Variants in CENPP observed in about 807,000 individuals in gnomAD.
CENPP encodes the protein centromere protein P.
In CENPP, 24 loss-of-function variants were observed where a neutral mutation model predicts 35.6. That is an observed-to-expected ratio of 0.67 (90% CI 0.49 to 0.95). CENPP has a LOEUF of 0.95. CENPP is among the 40% of genes least tolerant of loss of function. The probability of loss-of-function intolerance (pLI) is 0.00; values close to 1 mark genes in which losing one functional copy is unlikely to be tolerated. For missense variants in CENPP, 332 were observed against 345.3 expected (o/e 0.96, Z 0.31); for synonymous variants, 120 against 125.5 (o/e 0.96, Z 0.29).
chr9:92,380,014 G>A, intron 5 of CENPP, 155 bp downstream of exon 5: 4 of 586,752 alleles, frequency 6.8e-6, no homozygotes, highest in South Asian at 6.6e-5. Flanking sequence ...AATAACTGGA[G>A]GAGGATTACT....
At chr9:92,500,866 T>G in intron 5 of CENPP, 1 of 1,614,210 alleles carries the variant, frequency 6.2e-7, no homozygotes, top group Non-Finnish European at 8.5e-7. Flanking sequence ...ACACGGTCCA[T>G]GCCATCATCA....
intron 5 of CENPP, among the ~76,000 whole-genome samples, chr9:92,432,554 G>C (rs867629294): frequency 2.0e-5 from 3 of 152,124 alleles, no homozygotes; most frequent in Non-Finnish European, 2.9e-5. Context: ...TAGAATCCTT[G>C]CCAAATAAGG....
intron 5 of CENPP, chr9:92,482,201 T>C (rs1438346587): frequency 1.3e-5 from 2 of 152,222 alleles, no homozygotes; most frequent in African/African-American, 4.8e-5. Flanking sequence ...CTTTATCCTA[T>C]TATTTATAAG....
At chr9:92,487,542 GAATAACAGAA>G (rs1846088704) in intron 5 of CENPP, among the ~76,000 whole-genome samples, 1 of 152,134 alleles carries the variant, frequency 6.6e-6, no homozygotes, top group South Asian at 2.1e-4. Context: ...AATGCAGAAG[GAATAACAGAA>G]AATCACCACA....
At chr9:92,371,874 T>G (rs1842012893) in intron 4 of CENPP, among the ~76,000 whole-genome samples, 1 of 149,870 alleles carries the variant, frequency 6.7e-6, no homozygotes, top group Non-Finnish European at 1.5e-5. Flanking sequence ...GTTGTTGTTT[T>G]TTTTTTTTTG....
At chr9:92,453,247 A>G (rs1170367032) in intron 5 of CENPP, among the ~76,000 whole-genome samples, 1 of 151,924 alleles carries the variant, frequency 6.6e-6, no homozygotes, top group Non-Finnish European at 1.5e-5. Context: ...AGTGCTATAA[A>G]TTTCCCTCTA....
chr9:92,559,647 C>T (rs1849806143), intron 5 of CENPP, among the ~76,000 whole-genome samples: 2 of 152,128 alleles, frequency 1.3e-5, no homozygotes, highest in African/African-American at 2.4e-5. Context: ...CCATGATCCC[C>T]TCCATCTCTT....
At chr9:92,336,378 G>A (rs2130786284) in intron 2 of CENPP, among the ~76,000 whole-genome samples, 1 of 152,210 alleles carries the variant, frequency 6.6e-6, no homozygotes, top group East Asian at 1.9e-4. Flanking sequence ...AAAGGTACTT[G>A]GTGCTGCTGA....
intron 5 of CENPP, chr9:92,390,140 C>A (rs1842612602): frequency 2.6e-6 from 2 of 779,744 alleles, no homozygotes; most frequent in South Asian, 3.5e-5. Flanking sequence ...TTTAACAGAT[C>A]ACTCAAGCAT....
chr9:92,559,082 C>T (rs1160909987), intron 5 of CENPP, among the ~76,000 whole-genome samples: 1 of 152,160 alleles, frequency 6.6e-6, no homozygotes, highest in African/African-American at 2.4e-5. Flanking sequence ...AAGGGCTCTT[C>T]CCCCGCCTCT....
At chr9:92,454,308 T>G (rs1458679641) in intron 5 of CENPP, among the ~76,000 whole-genome samples, 1 of 152,174 alleles carries the variant, frequency 6.6e-6, no homozygotes, top group Non-Finnish European at 1.5e-5. Flanking sequence ...TATTTTAAAA[T>G]TTTGGTTTTG....
chr9:92,582,729 G>A (rs1240157328), intron 5 of CENPP, among the ~76,000 whole-genome samples: 5 of 151,864 alleles, frequency 3.3e-5, no homozygotes, highest in Admixed American at 6.6e-5. Flanking sequence ...TCTTTTTGGT[G>A]GCAAGTAATA....
At chr9:92,419,408 C>G (rs1843718941) in intron 5 of CENPP, among the ~76,000 whole-genome samples, 1 of 147,828 alleles carries the variant, frequency 6.8e-6, no homozygotes, top group South Asian at 2.2e-4. Context: ...TTAAGCAATT[C>G]TCCTGCCTCA....
At chr9:92,505,737 T>C (rs985833058) in intron 5 of CENPP, 1 of 1,447,704 alleles carries the variant, frequency 6.9e-7, no homozygotes. Context: ...TGAAAAACCA[T>C]GCAAATTTTT....
chr9:92,581,396 TAAAG>T (rs1850421627), intron 5 of CENPP, among the ~76,000 whole-genome samples: 1 of 152,040 alleles, frequency 6.6e-6, no homozygotes, highest in South Asian at 2.1e-4. Context: ...TATATATATA[TAAAG>T]AAACTCACAC....
intron 5 of CENPP, among the ~76,000 whole-genome samples, chr9:92,439,596 A>G (rs1328481296): frequency 6.6e-6 from 1 of 152,120 alleles, no homozygotes; most frequent in South Asian, 2.1e-4. Flanking sequence ...AGAGGTTTCA[A>G]TGAGGCTGCT....
chr9:92,510,810 G>A (rs192808028), intron 5 of CENPP, among the ~76,000 whole-genome samples: 12 of 152,300 alleles, frequency 7.9e-5, no homozygotes, highest in Non-Finnish European at 1.6e-4. Flanking sequence ...GGACAAATAG[G>A]AAAAGGACCC....
chr9:92,396,204 G>A (rs945466917), intron 5 of CENPP, among the ~76,000 whole-genome samples: 3 of 152,040 alleles, frequency 2.0e-5, no homozygotes, highest in Admixed American at 2.0e-4. Flanking sequence ...ATTTTATTTT[G>A]TTCTGGTGAC....
intron 5 of CENPP, among the ~76,000 whole-genome samples, chr9:92,607,778 A>C (rs1851123190): frequency 6.6e-6 from 1 of 152,152 alleles, no homozygotes; most frequent in South Asian, 2.1e-4. Context: ...GTTTTCTGTA[A>C]AGCTCTGCTA....
Sources: allele counts gnomAD v4.1 joint callset (sites outside exome capture counted in the v4.1 genomes callset), GRCh38; gene constraint gnomAD v4.1.1; transcripts MANE v1.5; gene names NCBI Gene and HGNC (gene_info 2026-07-23, HGNC 2026-07-21).